SHISA9: variants seen among roughly 807,000 people sequenced by gnomAD.
SHISA9 encodes protein shisa-9.
Under a neutral mutation model 38.0 loss-of-function variants are expected in SHISA9, and 13 were observed. That is an observed-to-expected ratio of 0.34 (90% confidence interval 0.22 to 0.54). The LOEUF is 0.54. Among genes scored for constraint, SHISA9 ranks in the 20% least tolerant of loss-of-function variants. The pLI, the probability that SHISA9 is intolerant of heterozygous loss-of-function variation, is 0.91. For missense variants in SHISA9, 538 were observed against 575.8 expected (o/e 0.93, Z 0.67); for synonymous variants, 275 against 242.0 (o/e 1.14, Z -1.27).
At chr16:13,023,289 G>C (rs1052776278) in intron 2 of SHISA9, among the ~76,000 whole-genome samples, 3 of 152,140 alleles carry the variant, frequency 2.0e-5, no homozygotes, top group Non-Finnish European at 2.9e-5. Flanking sequence ...CTGTCCTTAT[G>C]ATAATTTGCT....
At chr16:13,297,378 T>C in the SHISA9 span, among the ~76,000 whole-genome samples, 1 of 152,176 alleles carries the variant, frequency 6.6e-6, no homozygotes, top group Non-Finnish European at 1.5e-5. Flanking sequence ...TGAAACAAAC[T>C]TAGATCGTGG....
intron 2 of SHISA9, among the ~76,000 whole-genome samples, chr16:13,020,932 A>AG (rs2072844927): frequency 6.6e-6 from 1 of 152,220 alleles, no homozygotes; most frequent in South Asian, 2.1e-4. Flanking sequence ...CTGTGACCAC[A>AG]TAATATCTCC....
At chr16:12,996,766 A>C (rs191649613) in intron 2 of SHISA9, among the ~76,000 whole-genome samples, 125 of 152,252 alleles carry the variant, frequency 8.2e-4, no homozygotes, top group African/African-American at 2.9e-3. Context: ...TCTGTAGTTC[A>C]AACAGAACAG....
intron 2 of SHISA9, among the ~76,000 whole-genome samples, chr16:13,072,717 G>A (rs1012695085): frequency 6.6e-6 from 1 of 151,222 alleles, no homozygotes; most frequent in Non-Finnish European, 1.5e-5. Flanking sequence ...CTGGAGTGCA[G>A]TGGCACGATC....
intron 2 of SHISA9, among the ~76,000 whole-genome samples, chr16:12,929,053 G>C (rs1340157237): frequency 6.6e-6 from 1 of 152,174 alleles, no homozygotes; most frequent in Admixed American, 6.5e-5. Context: ...CAACATTACT[G>C]ATCATTAGAG....
rs2071206186 is a variant in SHISA9 at position 12,912,973 on chromosome 16, C to T, written c.564-3715C>T. On this transcript the variant is annotated intron_variant, in intron 1 of 4. Coordinates refer to ENST00000558583, the MANE Select transcript of SHISA9 (RefSeq NM_001145204.3). ...TCATCTTCACGTGTCCAACTCCTCG[C>T]TGTTCAAGGCCCATCTCCAGTGTCA... is the stretch of plus-strand genomic sequence containing the variant. Among the ~76,000 whole-genome samples the T allele has an allele frequency of 1.3e-5, 2 of 152,210 alleles. 1 individual carries two copies. Among genetic ancestry groups the T allele is most frequent in the South Asian group, 4.1e-4 (2 of 4,822 alleles).
At chr16:12,924,615 G>C (rs988194670) in intron 2 of SHISA9, among the ~76,000 whole-genome samples, 3 of 152,154 alleles carry the variant, frequency 2.0e-5, no homozygotes, top group African/African-American at 7.2e-5. Flanking sequence ...TACTAAGAGT[G>C]AGGGGATGCT....
chr16:13,348,694 T>C, the SHISA9 span, among the ~76,000 whole-genome samples: 13 of 151,992 alleles, frequency 8.6e-5, no homozygotes, highest in Non-Finnish European at 1.3e-4. Flanking sequence ...GTTTGAATCA[T>C]TGTGATCAGC....
the SHISA9 span, among the ~76,000 whole-genome samples, chr16:13,370,304 A>G: frequency 6.6e-6 from 1 of 152,194 alleles, no homozygotes; most frequent in Non-Finnish European, 1.5e-5. Context: ...AATGGGATGT[A>G]GAGTCAATGG....
At chr16:13,531,212 G>A in the SHISA9 span, among the ~76,000 whole-genome samples, 1 of 152,062 alleles carries the variant, frequency 6.6e-6, no homozygotes, top group Admixed American at 6.5e-5. Context: ...ACTAATGAGA[G>A]TTAATTAAGT....
At chr16:12,919,202 C>A (rs1383004790) in intron 2 of SHISA9, among the ~76,000 whole-genome samples, 1 of 152,130 alleles carries the variant, frequency 6.6e-6, no homozygotes, top group African/African-American at 2.4e-5. Context: ...GGGAAGGTAT[C>A]CAGTCTGATA....
chr16:13,557,892 T>C, the SHISA9 span, among the ~76,000 whole-genome samples: 2 of 151,916 alleles, frequency 1.3e-5, no homozygotes, highest in Non-Finnish European at 2.9e-5. Flanking sequence ...GAAAACACAC[T>C]CCCACCACAG....
At chr16:13,210,859 C>A (rs902911710) in intron 3 of SHISA9, among the ~76,000 whole-genome samples, 1 of 152,168 alleles carries the variant, frequency 6.6e-6, no homozygotes, top group Non-Finnish European at 1.5e-5. Context: ...TATGTTCTTC[C>A]CATGAAACTA....
Position 13,117,602 on chromosome 16 carries a change from C to A in SHISA9, c.692-85792C>A, listed in dbSNP as rs182503567. Among the ~76,000 whole-genome samples, 111 of 152,254 alleles carry A rather than the reference C, an allele frequency of 7.3e-4. 1 individual carries two copies. In the East Asian group the frequency reaches 0.015, roughly 21 times the overall value. On this transcript the variant is annotated intron_variant, in intron 2 of 4. Coordinates refer to ENST00000558583, the MANE Select transcript of SHISA9 (RefSeq NM_001145204.3). ...GAAGAGAGACATGCAGAGAAGAAAACTGGACGAAATGTGACCACACGGCAG... is the reference window on the plus strand; with the variant it reads ...GAAGAGAGACATGCAGAGAAGAAAAATGGACGAAATGTGACCACACGGCAG...
chr16:13,097,485 C>G (rs371885833), intron 2 of SHISA9, among the ~76,000 whole-genome samples: 10 of 151,874 alleles, frequency 6.6e-5, no homozygotes, highest in African/African-American at 2.4e-4. Flanking sequence ...GATGCTATCA[C>G]TCAAGTGATA....
At chr16:13,086,810 T>G (rs1272791050) in intron 2 of SHISA9, among the ~76,000 whole-genome samples, 2 of 151,282 alleles carry the variant, frequency 1.3e-5, no homozygotes, top group Non-Finnish European at 2.9e-5. Context: ...AGAACCAGAC[T>G]TTTATTTTTT....
At chr16:13,041,105 A>G (rs1338398580) in intron 2 of SHISA9, among the ~76,000 whole-genome samples, 1 of 152,192 alleles carries the variant, frequency 6.6e-6, no homozygotes, top group Non-Finnish European at 1.5e-5. Flanking sequence ...GCAGCACTGA[A>G]CAAAATGCAT....
chr16:13,416,301 C>T, the SHISA9 span, among the ~76,000 whole-genome samples: 2 of 152,164 alleles, frequency 1.3e-5, no homozygotes, highest in Non-Finnish European at 2.9e-5. Flanking sequence ...TTCAACATCA[C>T]AAAGTATACA....
At chr16:13,442,110 C>G in the SHISA9 span, among the ~76,000 whole-genome samples, 1 of 152,194 alleles carries the variant, frequency 6.6e-6, no homozygotes, top group Non-Finnish European at 1.5e-5. Context: ...GAGCACATTG[C>G]CAGATCTTCC....
Sources: allele counts gnomAD v4.1 joint callset (sites outside exome capture counted in the v4.1 genomes callset), GRCh38; gene constraint gnomAD v4.1.1; transcripts MANE v1.5; gene names NCBI Gene and HGNC (gene_info 2026-07-23, HGNC 2026-07-21).